Variants in DLC1 observed in about 807,000 individuals in gnomAD.
The protein encoded by DLC1 is DLC1 Rho GTPase activating protein, also known as rho GTPase-activating protein 7.
A neutral mutation model predicts 140.3 loss-of-function variants in DLC1; 54 were observed. The ratio of observed to expected loss-of-function variants is 0.38; its 90% CI spans 0.31 to 0.48. DLC1 has a LOEUF of 0.48. Among genes scored for constraint, DLC1 ranks in the 20% least tolerant of loss-of-function variants. The pLI is 0.96. For synonymous variants in DLC1, 986 were observed against 728.1 expected (o/e 1.35, Z -5.70); for missense variants, 2,536 against 1,907.0 (o/e 1.33, Z -6.14).
intron 1 of DLC1, among the ~76,000 whole-genome samples, chr8:13,594,743 G>A (rs377340074): frequency 6.6e-6 from 1 of 150,940 alleles, no homozygotes; most frequent in South Asian, 2.1e-4. Flanking sequence ...GACAGCAACT[G>A]AACACCTTTA....
At chr8:13,278,458 T>C (rs751411538) in intron 5 of DLC1, among the ~76,000 whole-genome samples, 4 of 152,200 alleles carry the variant, frequency 2.6e-5, no homozygotes, top group Non-Finnish European at 5.9e-5. Flanking sequence ...TGCGGAACTT[T>C]AGGATGAATA....
intron 5 of DLC1, among the ~76,000 whole-genome samples, chr8:13,173,368 CTTTT>C (rs35778236): frequency 2.9e-5 from 3 of 103,522 alleles, no homozygotes; most frequent in African/African-American, 7.6e-5. Flanking sequence ...GTTCTGCCCT[CTTTT>C]TTTTTTTTTT....
chr8:13,579,346 T>TA (rs57382105), intron 1 of DLC1, among the ~76,000 whole-genome samples: 6 of 52,232 alleles, frequency 1.1e-4, no homozygotes, highest in Non-Finnish European at 1.5e-4. Flanking sequence ...TATATATATA[T>TA]ATATATATAT....
intron 5 of DLC1, among the ~76,000 whole-genome samples, chr8:13,194,613 G>A (rs995235190): frequency 6.6e-6 from 1 of 152,170 alleles, no homozygotes; most frequent in African/African-American, 2.4e-5. Flanking sequence ...AAAAGCACAA[G>A]GACTCCATTC....
At chr8:13,332,448 T>TTC (rs1833633131) in intron 4 of DLC1, among the ~76,000 whole-genome samples, 1 of 151,256 alleles carries the variant, frequency 6.6e-6, no homozygotes, top group Non-Finnish European at 1.5e-5. Flanking sequence ...TTTTTTTTTT[T>TTC]AAGATGGGGT....
At chr8:13,321,232 A>G (rs1833094232) in intron 4 of DLC1, among the ~76,000 whole-genome samples, 1 of 152,194 alleles carries the variant, frequency 6.6e-6, no homozygotes. Context: ...ACTGGAGAGT[A>G]TTAAGTGATT....
intron 5 of DLC1, among the ~76,000 whole-genome samples, chr8:13,288,775 G>A (rs1193041270): frequency 1.3e-5 from 2 of 152,150 alleles, no homozygotes; most frequent in Admixed American, 1.3e-4. Flanking sequence ...AACTTTCTAG[G>A]GGAGGAAAGA....
intron 2 of DLC1, among the ~76,000 whole-genome samples, chr8:13,428,838 G>A (rs967664674): frequency 2.6e-5 from 4 of 152,100 alleles, no homozygotes; most frequent in Non-Finnish European, 4.4e-5. Flanking sequence ...TGAAAACGTA[G>A]AACTAATTCT....
chr8:13,142,783 C>T (rs1481920156), intron 5 of DLC1, among the ~76,000 whole-genome samples: 1 of 152,186 alleles, frequency 6.6e-6, no homozygotes, highest in Admixed American at 6.5e-5. Flanking sequence ...GGCAAGGTGG[C>T]TCACGCCTGT....
chr8:13,105,808 G>A (rs1015301333), intron 7 of DLC1, among the ~76,000 whole-genome samples: 2 of 152,024 alleles, frequency 1.3e-5, no homozygotes, highest in Admixed American at 1.3e-4. Context: ...GACCTCCTGA[G>A]CTCAGGCAAT....
intron 1 of DLC1, among the ~76,000 whole-genome samples, chr8:13,575,881 C>T (rs987824796): frequency 1.8e-4 from 28 of 152,276 alleles, no homozygotes; most frequent in African/African-American, 6.7e-4. Flanking sequence ...CTTTAGTATG[C>T]ACTGAGACAT....
intron 1 of DLC1, among the ~76,000 whole-genome samples, chr8:13,523,524 G>T (rs1297805507): frequency 6.6e-6 from 1 of 152,092 alleles, no homozygotes; most frequent in East Asian, 1.9e-4. Flanking sequence ...AGAGATCTGG[G>T]CTAGACAAAT....
At chr8:13,481,126 G>T (rs929055535) in intron 2 of DLC1, among the ~76,000 whole-genome samples, 14 of 152,090 alleles carry the variant, frequency 9.2e-5, no homozygotes, top group Non-Finnish European at 1.9e-4. Flanking sequence ...TATTAAAAAT[G>T]AATAAATCAA....
In DLC1 at chr8:13,499,982, T is replaced by C. The variant is rs1286489400; in HGVS notation, c.90A>G (p.Ala30=). The change falls in exon 2 of 18, where the codon GCA becomes GCG. Residue 30 remains alanine, a synonymous_variant. Transcript: ENST00000276297. ...TGTCAGCTACTAGTCCATGATGACA[T>C]GCTGTGTTACGATCATCAGAATTAA... ...QPFNSDDRNT[A]CHHGLVADSL... is the part of the protein sequence containing the mutation. 3 of 1,613,988 alleles carry C rather than the reference T, an allele frequency of 1.9e-6. No individual in the cohort carries two copies. Among genetic ancestry groups the C allele is most frequent in the Non-Finnish European group, 2.5e-6 (3 of 1,179,992 alleles).
chr8:13,482,378 C>A (rs973221928), intron 2 of DLC1, among the ~76,000 whole-genome samples: 3 of 151,198 alleles, frequency 2.0e-5, no homozygotes, highest in Non-Finnish European at 4.4e-5. Context: ...TTTATAATTT[C>A]TTTTGCCATG....
intron 5 of DLC1, among the ~76,000 whole-genome samples, chr8:13,194,384 C>A (rs1225628670): frequency 6.6e-6 from 1 of 152,214 alleles, no homozygotes; most frequent in African/African-American, 2.4e-5. Context: ...CATATTGTTA[C>A]TGATCTCCTT....
Position 13,603,293 on chromosome 8 carries a change from A to G in DLC1, c.-126+1244T>C, listed in dbSNP as rs113004616. ...CTAACATAATATTCATTATGTTAAC[A>G]TCATCATTCATTACGAGTCTTGGTA... On this transcript the variant is annotated intron_variant, in intron 1 of 1. Transcript: ENST00000631382. 3.6e-3 allele frequency among the ~76,000 whole-genome samples: 547 copies of G among 151,940 alleles called. 2 individuals are homozygous for G. The highest frequency in any genetic ancestry group is 0.012 in the African/African-American group (517 of 41,524).
At chr8:13,482,400 T>C (rs1379143512) in intron 2 of DLC1, among the ~76,000 whole-genome samples, 2 of 126,218 alleles carry the variant, frequency 1.6e-5, no homozygotes, top group Non-Finnish European at 3.5e-5. Flanking sequence ...GCATGTATCA[T>C]TTACATATTA....
intron 5 of DLC1, among the ~76,000 whole-genome samples, chr8:13,265,380 G>C (rs563230306): frequency 6.6e-6 from 1 of 152,290 alleles, no homozygotes; most frequent in South Asian, 2.1e-4. Flanking sequence ...GTTTGAGAGT[G>C]GGAGTATGTG....
Sources: gnomAD v4.1 joint callset for allele counts (sites outside exome capture counted in the v4.1 genomes callset) on GRCh38, gnomAD v4.1.1 for gene constraint, MANE v1.5 for transcripts, NCBI Gene and HGNC (gene_info 2026-07-23, HGNC 2026-07-21) for gene names.